Variants in C3orf20 observed in about 807,000 individuals in gnomAD.
C3orf20 encodes the protein family with sequence similarity 149 member C.
A neutral mutation model predicts 88.3 loss-of-function variants in C3orf20; 76 were observed. The observed-to-expected ratio is 0.86, with a 90% confidence interval of 0.72 to 1.04. C3orf20 has a LOEUF of 1.04. Ranked by LOEUF, C3orf20 falls within the 50% of genes least tolerant of loss-of-function variation. C3orf20 has a pLI of 0.00. For missense variants in C3orf20, 1,056 were observed against 1,123.3 expected, an observed-to-expected ratio of 0.94 and a Z score of 0.86; for synonymous variants, 436 against 437.4, an observed-to-expected ratio of 1.00 and a Z score of 0.04.
At chr3:14,727,089 G>A in intron 11 of C3orf20, 65 bp downstream of exon 11, 1 of 1,580,864 alleles carries the variant, frequency 6.3e-7, no homozygotes, top group Non-Finnish European at 8.7e-7. Context: ...GATTCTGGCA[G>A]GTCATCTCAA....
chr3:14,736,497 G>A (rs2034714596), intron 12 of C3orf20, among the ~76,000 whole-genome samples: 1 of 151,852 alleles, frequency 6.6e-6, no homozygotes, highest in Non-Finnish European at 1.5e-5. Context: ...CACCATATTG[G>A]CCAGGCTGGT....
chr3:14,767,804 C>T (rs577612307), intron 15 of C3orf20, among the ~76,000 whole-genome samples: 1 of 152,358 alleles, frequency 6.6e-6, no homozygotes, highest in South Asian at 2.1e-4. Context: ...CACGGGCCTG[C>T]TCTCCAGAAC....
intron 4 of C3orf20, among the ~76,000 whole-genome samples, chr3:14,685,314 T>G (rs775498874): frequency 6.6e-6 from 1 of 152,082 alleles, no homozygotes; most frequent in Non-Finnish European, 1.5e-5. Context: ...AGTACAAGTA[T>G]AAAAGCATGA....
At chr3:14,675,695 T>TTATG (rs1468135037) in intron 1 of C3orf20, among the ~76,000 whole-genome samples, 1 of 7,220 alleles carries the variant, frequency 1.4e-4, no homozygotes, top group African/African-American at 1.9e-4. Flanking sequence ...TTTTTGTTAT[T>TTATG]TATTTATTTA....
intron 12 of C3orf20, among the ~76,000 whole-genome samples, chr3:14,731,754 G>A (rs2034546400): frequency 6.6e-6 from 1 of 152,162 alleles, no homozygotes; most frequent in Non-Finnish European, 1.5e-5. Context: ...ATAGAGCAGG[G>A]TGCCAAGTTC....
At position 14,761,505 on chromosome 3, in the gene C3orf20, C is replaced by A. The variant is rs1270198993; in HGVS notation, c.2385C>A (p.Gly795=). The change falls in exon 15 of 17, where the codon GGC becomes GGA. Residue 795 remains glycine (G), a synonymous_variant. Coordinates refer to ENST00000253697, the MANE Select transcript of C3orf20 (RefSeq NM_032137.5). ...CCGGGGGGAAGCTCATTTTTGGGGG[C>A]CGTGTTTTGAATGGATATGGCCTCA... ...MFAGGKLIFG[G]RVLNGYGLSK... 12 of 1,613,904 alleles carry A rather than the reference C, an allele frequency of 7.4e-6. No homozygotes were observed. The East Asian group carries it at 2.5e-4, about 33-fold the overall frequency.
At chr3:14,689,234 C>G (rs565229966) in intron 4 of C3orf20, among the ~76,000 whole-genome samples, 9 of 152,242 alleles carry the variant, frequency 5.9e-5, no homozygotes, top group African/African-American at 2.2e-4. Context: ...TGAAAGTTGT[C>G]TTAATTTCAA....
chr3:14,686,877 G>C (rs2032458191), intron 4 of C3orf20, among the ~76,000 whole-genome samples: 1 of 152,176 alleles, frequency 6.6e-6, no homozygotes, highest in African/African-American at 2.4e-5. Context: ...GCTTTGTCAG[G>C]CTCCCCTGAT....
intron 15 of C3orf20, chr3:14,767,136 G>T (rs1395300900): frequency 6.6e-6 from 1 of 152,390 alleles, no homozygotes; most frequent in Non-Finnish European, 1.5e-5. Context: ...CTGCTAGCCT[G>T]TTAGGTCCCC....
intron 7 of C3orf20, among the ~76,000 whole-genome samples, chr3:14,709,115 A>G (rs1447313077): frequency 6.7e-6 from 1 of 150,166 alleles, no homozygotes; most frequent in Non-Finnish European, 1.5e-5. Context: ...TTGTACACTG[A>G]AAACTACAAA....
chr3:14,729,279 C>T (rs6774846), intron 12 of C3orf20, among the ~76,000 whole-genome samples: 134,544 of 152,080 alleles, frequency 0.88, 59,624 homozygotes, highest in Non-Finnish European at 0.91. Flanking sequence ...GGAGATTATA[C>T]TGAAACCCAG....
chr3:14,750,894 CCTTT>C (rs2035201288), intron 12 of C3orf20, among the ~76,000 whole-genome samples: 1 of 152,082 alleles, frequency 6.6e-6, no homozygotes, highest in African/African-American at 2.4e-5. Flanking sequence ...TCTTTCTGCT[CCTTT>C]CTTTCCTGTC....
At chr3:14,711,714 C>A (rs2033746429) in intron 7 of C3orf20, among the ~76,000 whole-genome samples, 1 of 137,030 alleles carries the variant, frequency 7.3e-6, no homozygotes, top group South Asian at 2.3e-4. Context: ...TGGCTCGTTG[C>A]AACCTCCACC....
Position 14,772,716 on chromosome 3 carries a change from G to A in C3orf20, c.2631-75G>A. 1.6e-6 allele frequency: 2 copies of A among 1,266,694 alleles called. No individual in the cohort carries two copies. Among genetic ancestry groups the A allele is most frequent in the East Asian group, 2.3e-5 (1 of 42,664 alleles). 78.5% of individuals were successfully genotyped at this position (1,266,694 alleles called of 1,614,324 possible). ...AAGGGAGAGGGCCTTGCCCCTCCTG[G>A]CCCAACCGGGCCTGGGCTCTGGGCA... On this transcript the variant is annotated intron_variant, in intron 16 of 16. Coordinates refer to ENST00000253697, the MANE Select transcript of C3orf20 (RefSeq NM_032137.5). This position sits in a 1 kb window ranked among gnomAD's most constrained non-coding sequence, Gnocchi z 4.2.
intron 15 of C3orf20, among the ~76,000 whole-genome samples, chr3:14,764,517 TTG>T (rs2035649765): frequency 6.6e-6 from 1 of 151,672 alleles, no homozygotes. Flanking sequence ...ATTGTTGTTG[TTG>T]TTGTTGTTGT....
At chr3:14,703,383 G>A (rs1575107887) in intron 6 of C3orf20, 121 bp downstream of exon 6, 1 of 1,493,724 alleles carries the variant, frequency 6.7e-7, no homozygotes, top group East Asian at 2.3e-5. Context: ...CATGCCACCT[G>A]GGAGCGTGGG....
intron 5 of C3orf20, among the ~76,000 whole-genome samples, chr3:14,690,604 C>T (rs939191001): frequency 6.6e-6 from 1 of 152,202 alleles, no homozygotes; most frequent in East Asian, 1.9e-4. Context: ...TACTCCTATT[C>T]TACTGAGGAA....
chr3:14,676,581 T>G (rs1367101986), intron 1 of C3orf20, among the ~76,000 whole-genome samples: 1 of 152,316 alleles, frequency 6.6e-6, no homozygotes, highest in African/African-American at 2.4e-5. Flanking sequence ...TAGTATGGTT[T>G]AACAAACATC....
intron 13 of C3orf20, among the ~76,000 whole-genome samples, chr3:14,758,958 C>T (rs1004745687): frequency 4.6e-5 from 7 of 152,206 alleles, no homozygotes; most frequent in Non-Finnish European, 7.3e-5. Context: ...TCCCTGCCCA[C>T]GGGGGAACTT....
Sources: allele counts gnomAD v4.1 joint callset (sites outside exome capture counted in the v4.1 genomes callset), GRCh38; gene constraint gnomAD v4.1.1; non-coding constraint Gnocchi (gnomAD v3.1); transcripts MANE v1.5; gene names NCBI Gene and HGNC (gene_info 2026-07-23, HGNC 2026-07-21).